The following ARHGEF2 variants were observed in gnomAD, a reference collection of about 807,000 sequenced individuals.
ARHGEF2 encodes Rho/Rac guanine nucleotide exchange factor 2.
In ARHGEF2, 22 loss-of-function variants were observed where a neutral mutation model predicts 121.0. That is an observed-to-expected ratio of 0.18 (90% CI 0.13 to 0.26). The LOEUF is 0.26. ARHGEF2 is among the 10% of genes least tolerant of loss of function. The probability of loss-of-function intolerance (pLI) is 1.00; values close to 1 mark genes in which losing one functional copy is unlikely to be tolerated. For synonymous variants in ARHGEF2, 487 were observed against 530.0 expected, an observed-to-expected ratio of 0.92 and a Z score of 1.11; for missense variants, 907 against 1,336.0, an observed-to-expected ratio of 0.68 and a Z score of 5.01.
rs115800325 is a variant in ARHGEF2 at position 155,969,886 on chromosome 1, G to A, written c.64-586C>T. 7,482 of 985,780 alleles carry A rather than the reference G, an allele frequency of 7.6e-3. 35 individuals carry two copies. The highest frequency in any genetic ancestry group is 0.01 in the Admixed American group (167 of 16,312). 61.1% of individuals were successfully genotyped at this position (985,780 alleles called of 1,614,324 possible). On this transcript the variant is annotated intron_variant, in intron 1 of 21. Coordinates refer to ENST00000361247, the MANE Select transcript of ARHGEF2 (RefSeq NM_001162383.2). Reference sequence around the variant, plus strand: ...CTGCCACCCCCAACCCAGGGGTCAGGATCCCAGACCTCTAACTCTTTTCAC... The same window carrying A: ...CTGCCACCCCCAACCCAGGGGTCAGAATCCCAGACCTCTAACTCTTTTCAC...
Position 155,950,862 on chromosome 1 carries a change from G to C in ARHGEF2, c.2670C>G (p.Gly890=), listed in dbSNP as rs1394894217. ...VDPRRRSLPA[G]DALYLSFNPP... is the part of the protein sequence containing the mutation. ...GGTTGAAACTCAAGTACAGGGCATCGCCTGCGGGGAGGCTGCGCCGCCGAG... is the reference window on the plus strand; with the variant it reads ...GGTTGAAACTCAAGTACAGGGCATCCCCTGCGGGGAGGCTGCGCCGCCGAG... The change falls in exon 20 of 22, where the codon GGC becomes GGG. Residue 890 remains glycine, a synonymous_variant. Transcript: ENST00000361247. The surrounding 1 kb of genome is among the most constrained non-coding windows in gnomAD (Gnocchi z 5.2). 1.3e-6 allele frequency: 2 copies of C among 1,543,418 alleles called. No individual in the cohort carries two copies. The highest frequency in any genetic ancestry group is 1.3e-5 in the South Asian group (1 of 79,430).
At chr1:155,955,896 A>G (rs1676560183) in intron 13 of ARHGEF2, among the ~76,000 whole-genome samples, 1 of 151,882 alleles carries the variant, frequency 6.6e-6, no homozygotes, top group South Asian at 2.1e-4. Flanking sequence ...TTATATTTTT[A>G]GTAGAGACAG....
In ARHGEF2 at chr1:155,962,043, G is replaced by T; in HGVS notation, c.1219+62C>A. ...ACCCCACCCTTCCTGTGGTCATACC[G>T]AGCCTTTCCTCACCCCAGGTGGCCG... On this transcript the variant is annotated intron_variant, in intron 10 of 21. Coordinates refer to ENST00000361247, the MANE Select transcript of ARHGEF2 (RefSeq NM_001162383.2). This position sits in a 1 kb window ranked among gnomAD's most constrained non-coding sequence, Gnocchi z 5.8. 1 of 1,606,456 alleles carries T rather than the reference G, an allele frequency of 6.2e-7. No homozygotes were observed. The highest frequency in any genetic ancestry group is 8.5e-7 in the Non-Finnish European group (1 of 1,173,994).
chr1:155,956,570 C>T (rs893823321), intron 13 of ARHGEF2, among the ~76,000 whole-genome samples: 5 of 152,082 alleles, frequency 3.3e-5, no homozygotes, highest in African/African-American at 1.2e-4. Context: ...CCTGTAATCT[C>T]AGCTCTTTTG....
In ARHGEF2 at chr1:155,966,484, G is replaced by A. The variant is rs1013896222; in HGVS notation, c.277-5C>T. On this transcript the variant is annotated splice_polypyrimidine_tract_variant and splice_region_variant and intron_variant, in intron 3 of 21. Coordinates refer to ENST00000361247, the MANE Select transcript of ARHGEF2 (RefSeq NM_001162383.2). The stretch of plus-strand genomic sequence containing the variant: ...CAGCAGGGCCGCTTTCTGTTGCTGT[G>A]AGACAGAGAGCAGGAGAGAGATACC... 3.1e-6 allele frequency: 5 copies of A among 1,614,002 alleles called. No individual in the cohort carries two copies. The highest frequency in any genetic ancestry group is 2.7e-5 in the African/African-American group (2 of 74,912).
chr1:155,952,522 T>C (rs1675700901), intron 15 of ARHGEF2, 106 bp downstream of exon 15: 4 of 1,325,902 alleles, frequency 3.0e-6, no homozygotes, highest in Admixed American at 4.7e-5. Flanking sequence ...TTATGGTTTA[T>C]AGGGTTGGCA....
rs1677006302 is a variant in ARHGEF2, at chr1:155,957,805, G to A, written c.1623C>T (p.Ile541=). The A allele has an allele frequency of 6.2e-7, 1 of 1,614,226 alleles. No individual in the cohort carries two copies. The highest frequency in any genetic ancestry group is 8.5e-7 in the Non-Finnish European group (1 of 1,180,034). ...CGTACATCTCAGGTGGGGCTGCGCTGATCAGAAACATCCCTTTCTCCTGGT... is the reference window on the plus strand; with the variant it reads ...CGTACATCTCAGGTGGGGCTGCGCTAATCAGAAACATCCCTTTCTCCTGGT... ...IANQEKGMFL[I]SAAPPEMYEV... is the part of the protein sequence containing the mutation. The change falls in exon 13 of 22, where the codon ATC becomes ATT. Residue 541 remains isoleucine, a synonymous_variant. Coordinates refer to ENST00000361247, the MANE Select transcript of ARHGEF2 (RefSeq NM_001162383.2).
intron 11 of ARHGEF2, among the ~76,000 whole-genome samples, chr1:155,959,677 T>C (rs548141346): frequency 2.5e-4 from 38 of 152,276 alleles, no homozygotes; most frequent in Non-Finnish European, 7.3e-5. Flanking sequence ...CCCAAGTAGC[T>C]GTGGCTACAG....
In ARHGEF2 at chr1:155,962,885, TCA is replaced by T; in HGVS notation, c.975+46_975+47del. 3 of 1,610,928 alleles carry T rather than the reference TCA, an allele frequency of 1.9e-6. No individual in the cohort carries two copies. The highest frequency in any genetic ancestry group is 2.5e-6 in the Non-Finnish European group (3 of 1,177,606). ...TGGACCCAAGAAATGCCCAACCCAG[TCA>T]CACCTCCTTCCATGAATGTCACCCA... On this transcript the variant is annotated intron_variant, in intron 8 of 21. Coordinates refer to ENST00000361247, the MANE Select transcript of ARHGEF2 (RefSeq NM_001162383.2). The surrounding 1 kb of genome is among the most constrained non-coding windows in gnomAD (Gnocchi z 5.8).
chr1:155,973,943 G>A (rs2102692052), intron 1 of ARHGEF2, among the ~76,000 whole-genome samples: 1 of 152,052 alleles, frequency 6.6e-6, no homozygotes, highest in East Asian at 1.9e-4. Flanking sequence ...GGCTTCCTGG[G>A]CTCCCAGCAG....
intron 1 of ARHGEF2, among the ~76,000 whole-genome samples, chr1:155,976,015 C>A (rs1316010920): frequency 6.6e-6 from 1 of 151,810 alleles, no homozygotes; most frequent in African/African-American, 2.4e-5. Context: ...GGGGGCTACA[C>A]AGAGAGATCC....
At chr1:155,967,759 T>G (rs571044287) in intron 2 of ARHGEF2, among the ~76,000 whole-genome samples, 1 of 152,270 alleles carries the variant, frequency 6.6e-6, no homozygotes, top group African/African-American at 2.4e-5. Flanking sequence ...TCGCTGAGCC[T>G]AGGCACTGGG....
At chr1:155,979,555 G>A (rs1681931878), upstream of ARHGEF2, among the ~76,000 whole-genome samples, 1 of 152,244 alleles carries the variant, frequency 6.6e-6, no homozygotes, top group South Asian at 2.1e-4. Flanking sequence ...TTTCTCTGGA[G>A]AAACCAGAAG....
At position 155,957,635 on chromosome 1, in the gene ARHGEF2, G is replaced by A; in HGVS notation, c.1715+78C>T. On this transcript the variant is annotated intron_variant, in intron 13 of 21. Coordinates refer to ENST00000361247, the MANE Select transcript of ARHGEF2 (RefSeq NM_001162383.2). Reference sequence around the variant, plus strand: ...CTCTGAATGCTGGATTCTGTTCCCAGGGAGTTCTATGGTTGGGATCTAATG... The same window carrying A: ...CTCTGAATGCTGGATTCTGTTCCCAAGGAGTTCTATGGTTGGGATCTAATG... 3 of 1,470,048 alleles carry A rather than the reference G, an allele frequency of 2.0e-6. No individual in the cohort carries two copies. In the Admixed American group the frequency reaches 6.2e-5, roughly 31 times the overall value. The allele number at this position is 1,470,048 out of a possible 1,614,324, so 91.1% of individuals were successfully genotyped here.
In ARHGEF2 at chr1:155,966,407, A is replaced by G. The variant is rs772364471; in HGVS notation, c.340+9T>C. ...CTTAGGGGACCTCCTCCACTCCCCA[A>G]CTACTCACTCTTACTTCGAAGAGAA... On this transcript the variant is annotated intron_variant, in intron 4 of 21. Coordinates refer to ENST00000361247, the MANE Select transcript of ARHGEF2 (RefSeq NM_001162383.2). 2.2e-5 allele frequency: 35 copies of G among 1,613,924 alleles called. No individual in the cohort carries two copies. The highest frequency in any genetic ancestry group is 3.3e-4 in the Middle Eastern group (2 of 6,080).
chr1:155,965,200 A>T lies in ARHGEF2; in HGVS notation c.581-69T>A, dbSNP rs1202381503. On this transcript the variant is annotated intron_variant, in intron 6 of 21. Coordinates refer to ENST00000361247, the MANE Select transcript of ARHGEF2 (RefSeq NM_001162383.2). The surrounding 1 kb of genome is among the most constrained non-coding windows in gnomAD (Gnocchi z 6.0). ...TTCCCTGGGTCCCTGGCCCTTCTCT[A>T]GATCCCTTCCCTCCTTGTCCTTCCA... is the stretch of plus-strand genomic sequence containing the variant. 1.2e-6 allele frequency: 2 copies of T among 1,608,610 alleles called. No homozygotes were observed. Among genetic ancestry groups the T allele is most frequent in the Admixed American group, 1.7e-5 (1 of 59,774 alleles).
chr1:155,955,862 C>T (rs552584131), intron 13 of ARHGEF2, among the ~76,000 whole-genome samples: 37 of 151,920 alleles, frequency 2.4e-4, no homozygotes, highest in South Asian at 8.3e-4. Context: ...ACTACAGGCA[C>T]GCACCACCAT....
chr1:155,978,802 T>C, upstream of ARHGEF2: 1 of 953,060 alleles, frequency 1.0e-6, no homozygotes, highest in Non-Finnish European at 1.3e-6. The surrounding 1 kb of genome is among the most constrained non-coding windows in gnomAD (Gnocchi z 4.1). Flanking sequence ...CTTCTTTTCC[T>C]AAAACCCAGC....
intron 12 of ARHGEF2, 33 bp from the exon 13 acceptor site, chr1:155,957,915 G>A (rs373246529): frequency 2.2e-5 from 36 of 1,602,738 alleles, no homozygotes; most frequent in Admixed American, 8.5e-5. Flanking sequence ...GATTAAGCCT[G>A]GGAATCCTGT....
Sources: allele counts gnomAD v4.1 joint callset (sites outside exome capture counted in the v4.1 genomes callset), GRCh38; gene constraint gnomAD v4.1.1; non-coding constraint Gnocchi (gnomAD v3.1); transcripts MANE v1.5; gene names NCBI Gene and HGNC (gene_info 2026-07-23, HGNC 2026-07-21).